The following CTNNA3 variants were observed in gnomAD, a reference collection of about 807,000 sequenced individuals.
The protein encoded by CTNNA3 is catenin alpha 3.
CTNNA3 carries 76 observed loss-of-function variants against 95.7 expected under a neutral mutation model. The observed-to-expected ratio is 0.79, with a 90% CI of 0.66 to 0.96. The LOEUF (loss-of-function observed/expected upper bound fraction) is 0.96. CTNNA3 is among the 40% of genes least tolerant of loss of function. The pLI is 0.00. For synonymous variants in CTNNA3, 431 were observed against 374.4 expected (o/e 1.15, Z -1.74); for missense variants, 1,191 against 1,089.8 (o/e 1.09, Z -1.31).
At chr10:67,559,008 C>T (rs1435514860) in intron 3 of CTNNA3, among the ~76,000 whole-genome samples, 3 of 152,230 alleles carry the variant, frequency 2.0e-5, no homozygotes, top group African/African-American at 7.2e-5. Context: ...GTGGAGCCCA[C>T]CACAGCTCAA....
At chr10:66,567,258 A>T (rs1014349362) in intron 10 of CTNNA3, among the ~76,000 whole-genome samples, 20 of 152,068 alleles carry the variant, frequency 1.3e-4, no homozygotes, top group African/African-American at 4.8e-4. Flanking sequence ...GAGCCTATGA[A>T]GAAAGAGATG....
At chr10:66,143,292 A>C (rs904035724) in intron 13 of CTNNA3, among the ~76,000 whole-genome samples, 14 of 152,142 alleles carry the variant, frequency 9.2e-5, no homozygotes, top group African/African-American at 3.4e-4. Flanking sequence ...AGCCGCTGAA[A>C]TAGAAAGGAG....
intron 12 of CTNNA3, among the ~76,000 whole-genome samples, chr10:66,306,485 C>G (rs1409921303): frequency 2.0e-5 from 3 of 152,134 alleles, no homozygotes; most frequent in African/African-American, 4.8e-5. Context: ...CTTAGTGAAT[C>G]GATGATGGTG....
At chr10:66,112,630 T>A (rs2082162132) in intron 13 of CTNNA3, among the ~76,000 whole-genome samples, 1 of 152,064 alleles carries the variant, frequency 6.6e-6, no homozygotes, top group Non-Finnish European at 1.5e-5. Context: ...AACTCCTCAT[T>A]TCCCCTCCCC....
At chr10:67,399,545 C>A (rs1366959916) in intron 5 of CTNNA3, among the ~76,000 whole-genome samples, 2 of 152,142 alleles carry the variant, frequency 1.3e-5, no homozygotes, top group Non-Finnish European at 2.9e-5. Flanking sequence ...ATATACTGGG[C>A]ATTTTATGCT....
intron 7 of CTNNA3, among the ~76,000 whole-genome samples, chr10:66,800,658 A>G (rs923116214): frequency 1.3e-5 from 2 of 151,356 alleles, no homozygotes; most frequent in African/African-American, 4.8e-5. Context: ...CAATTTTCTC[A>G]TTAAAAAGTA....
chr10:67,611,070 C>A (rs1439348497), intron 2 of CTNNA3, among the ~76,000 whole-genome samples: 1 of 152,176 alleles, frequency 6.6e-6, no homozygotes, highest in Non-Finnish European at 1.5e-5. Flanking sequence ...GAAATTCCCA[C>A]TCTATTAATT....
chr10:67,668,422 T>C (rs1351721183), intron 1 of CTNNA3, among the ~76,000 whole-genome samples: 2 of 152,198 alleles, frequency 1.3e-5, no homozygotes, highest in African/African-American at 4.8e-5. Context: ...ACCCTATATA[T>C]GTTTTTCCTA....
intron 9 of CTNNA3, among the ~76,000 whole-genome samples, chr10:66,651,206 G>A (rs187804217): frequency 5.3e-5 from 8 of 152,242 alleles, no homozygotes; most frequent in Non-Finnish European, 8.8e-5. Flanking sequence ...GTGCTGATTG[G>A]TGCATTTAAA....
chr10:66,156,875 T>C (rs981644915), intron 13 of CTNNA3, among the ~76,000 whole-genome samples: 2 of 151,864 alleles, frequency 1.3e-5, no homozygotes, highest in African/African-American at 4.8e-5. Context: ...AGGGATCATG[T>C]ATAATTTTGA....
rs539129040 is a variant in CTNNA3, at chr10:67,618,519, C to T, written c.100-11470G>A. 5.9e-5 allele frequency among the ~76,000 whole-genome samples: 9 copies of T among 152,270 alleles called. No individual in the cohort carries two copies. In the East Asian group the frequency reaches 1.7e-3, roughly 29 times the overall value. ...GCATTTCCCTCCCACTATCTGCTGCCGGATTCCCTTTTTCACATCTACCTT... is the reference window on the plus strand; with the variant it reads ...GCATTTCCCTCCCACTATCTGCTGCTGGATTCCCTTTTTCACATCTACCTT... On this transcript the variant is annotated intron_variant, in intron 2 of 17. Transcript: ENST00000433211.
chr10:66,412,456 ATTTTTT>A (rs750175517), intron 11 of CTNNA3, among the ~76,000 whole-genome samples: 2,183 of 126,208 alleles, frequency 0.017, 40 homozygotes, highest in African/African-American at 0.047. Context: ...GCCAAATACT[ATTTTTT>A]TTTTTTTTTT....
At chr10:66,605,391 A>T (rs545975781) in intron 10 of CTNNA3, among the ~76,000 whole-genome samples, 2 of 152,284 alleles carry the variant, frequency 1.3e-5, no homozygotes, top group South Asian at 4.1e-4. Flanking sequence ...ATATTTCAGG[A>T]TATCATCCAT....
chr10:67,539,301 T>C (rs1840585722), intron 4 of CTNNA3, among the ~76,000 whole-genome samples: 1 of 152,204 alleles, frequency 6.6e-6, no homozygotes, highest in Non-Finnish European at 1.5e-5. Context: ...TCCTGTTTAA[T>C]TTCCCATTGG....
At chr10:67,412,694 G>A (rs1429719732) in intron 5 of CTNNA3, among the ~76,000 whole-genome samples, 1 of 152,050 alleles carries the variant, frequency 6.6e-6, no homozygotes. Context: ...GAGATTAGGG[G>A]CCTATTTTCA....
chr10:66,595,756 C>A (rs1474783902), intron 10 of CTNNA3, among the ~76,000 whole-genome samples: 5 of 152,084 alleles, frequency 3.3e-5, no homozygotes, highest in African/African-American at 1.2e-4. Flanking sequence ...CCCCCCTTAG[C>A]CTCTTGACAA....
At chr10:65,951,304 T>C (rs1040118638) in intron 17 of CTNNA3, among the ~76,000 whole-genome samples, 2 of 152,108 alleles carry the variant, frequency 1.3e-5, no homozygotes, top group African/African-American at 4.8e-5. Flanking sequence ...AGATTCTGAT[T>C]TGGAAGGAAC....
intron 7 of CTNNA3, among the ~76,000 whole-genome samples, chr10:66,851,412 A>AGAT (rs1257364728): frequency 6.6e-6 from 1 of 152,140 alleles, no homozygotes; most frequent in Non-Finnish European, 1.5e-5. Context: ...CAAGTGATAT[A>AGAT]GATAGATATT....
At position 66,445,214 on chromosome 10, in the gene CTNNA3, A is replaced by G. The variant is rs1169136080; in HGVS notation, c.1532-65862T>C. 2.0e-5 allele frequency among the ~76,000 whole-genome samples: 3 copies of G among 152,064 alleles called. No homozygotes were observed. In the South Asian group the frequency reaches 6.3e-4, roughly 32 times the overall value. ...ACAAAGAGACTTAGACTCCCACACA[A>G]TAATAATGGGAGACATTAACACCCC... On this transcript the variant is annotated intron_variant, in intron 11 of 17. Transcript: ENST00000433211.
Sources: allele counts gnomAD v4.1 joint callset (sites outside exome capture counted in the v4.1 genomes callset), GRCh38; gene constraint gnomAD v4.1.1; transcripts MANE v1.5; gene names NCBI Gene and HGNC (gene_info 2026-07-23, HGNC 2026-07-21).